The following FARS2 variants were observed in gnomAD, a reference collection of about 807,000 sequenced individuals.
The protein encoded by FARS2 is phenylalanine--tRNA ligase, mitochondrial.
Under a neutral mutation model 46.4 loss-of-function variants are expected in FARS2, and 40 were observed. That is an observed-to-expected ratio of 0.86 (90% CI 0.67 to 1.12). FARS2 has a LOEUF of 1.12. Among genes scored for constraint, FARS2 ranks in the 50% most tolerant of loss-of-function variants. The pLI, the probability that FARS2 is intolerant of heterozygous loss-of-function variation, is 0.00. For missense variants in FARS2, 513 were observed against 567.9 expected (o/e 0.90, Z 0.98); for synonymous variants, 234 against 214.9 (o/e 1.09, Z -0.78).
chr6:5,414,729 A>G (rs1762120694), intron 3 of FARS2, among the ~76,000 whole-genome samples: 1 of 150,714 alleles, frequency 6.6e-6, no homozygotes, highest in South Asian at 2.1e-4. Context: ...ATATTTGTGG[A>G]CAAGTCTTTA....
chr6:5,478,684 C>G (rs1009355725), intron 4 of FARS2, among the ~76,000 whole-genome samples: 2 of 152,184 alleles, frequency 1.3e-5, no homozygotes, highest in Non-Finnish European at 2.9e-5. Context: ...CAACCAGCAC[C>G]ACCATTAAAA....
chr6:5,536,204 A>G (rs184303988), intron 4 of FARS2, among the ~76,000 whole-genome samples: 68 of 152,230 alleles, frequency 4.5e-4, no homozygotes, highest in African/African-American at 1.6e-3. Flanking sequence ...GGCTCCCGCC[A>G]TGCCTGGCTA....
chr6:5,290,257 G>A (rs1434110333), intron 1 of FARS2, among the ~76,000 whole-genome samples: 1 of 152,178 alleles, frequency 6.6e-6, no homozygotes, highest in Non-Finnish European at 1.5e-5. Context: ...GAGGGAAACA[G>A]TAATGCTTGA....
chr6:5,481,887 G>A (rs955902734), intron 4 of FARS2, among the ~76,000 whole-genome samples: 2 of 152,110 alleles, frequency 1.3e-5, no homozygotes, highest in Admixed American at 6.5e-5. Flanking sequence ...GCAGCTCTTA[G>A]GATGGCTTCT....
At chr6:5,447,550 G>A (rs577591413) in intron 4 of FARS2, among the ~76,000 whole-genome samples, 1 of 152,274 alleles carries the variant, frequency 6.6e-6, no homozygotes, top group South Asian at 2.1e-4. Flanking sequence ...ACATTATCCA[G>A]GGAAGTGGAA....
chr6:5,339,710 C>T (rs1771418414), intron 1 of FARS2, among the ~76,000 whole-genome samples: 1 of 152,306 alleles, frequency 6.6e-6, no homozygotes, highest in African/African-American at 2.4e-5. Context: ...GGTGGGATTA[C>T]AGGCATGAGC....
At chr6:5,748,157 A>G (rs1761742939) in intron 6 of FARS2, among the ~76,000 whole-genome samples, 1 of 151,962 alleles carries the variant, frequency 6.6e-6, no homozygotes, top group African/African-American at 2.4e-5. Context: ...TCCCATCACT[A>G]TCCCTGCTGT....
chr6:5,682,219 A>G (rs1779070497), intron 6 of FARS2, among the ~76,000 whole-genome samples: 1 of 152,256 alleles, frequency 6.6e-6, no homozygotes, highest in South Asian at 2.1e-4. Context: ...TTACCAAAGA[A>G]AAACAGGAAA....
intron 6 of FARS2, among the ~76,000 whole-genome samples, chr6:5,674,252 CAG>C (rs1328000473): frequency 7.1e-6 from 1 of 140,460 alleles, no homozygotes; most frequent in East Asian, 2.3e-4. Context: ...TGTCACATAT[CAG>C]AGAAATTGCC....
chr6:5,744,243 G>T (rs1297374779), intron 6 of FARS2, among the ~76,000 whole-genome samples: 1 of 152,200 alleles, frequency 6.6e-6, no homozygotes. Context: ...GTGAACAGGG[G>T]TGGAGAGACC....
chr6:5,570,289 G>A (rs1477967322), intron 5 of FARS2, among the ~76,000 whole-genome samples: 3 of 152,154 alleles, frequency 2.0e-5, no homozygotes, highest in African/African-American at 4.8e-5. Flanking sequence ...GGATATGTGA[G>A]GAAATGAGAA....
At chr6:5,309,807 A>G (rs1452177903) in intron 1 of FARS2, among the ~76,000 whole-genome samples, 7 of 152,254 alleles carry the variant, frequency 4.6e-5, no homozygotes. Context: ...AAAGGGCAAC[A>G]GAGTTTTGTT....
chr6:5,744,376 T>G (rs1582868868), intron 6 of FARS2, among the ~76,000 whole-genome samples: 1 of 152,238 alleles, frequency 6.6e-6, no homozygotes, highest in East Asian at 1.9e-4. Flanking sequence ...CGACCAACAG[T>G]ATGTTCGCAT....
Position 5,700,439 on chromosome 6 carries a change from C to T in FARS2, c.1218-70852C>T, listed in dbSNP as rs371139735. On this transcript the variant is annotated intron_variant, in intron 6 of 6. Coordinates refer to ENST00000274680, the MANE Select transcript of FARS2 (RefSeq NM_006567.5). ...TTTTTTTTTTTGAGATGAAGTCTTG[C>T]GCTGTCACCCAGGCTGGAGTGCAAT... Among the ~76,000 whole-genome samples, 4 of 151,286 alleles carry T rather than the reference C, an allele frequency of 2.6e-5. No individual in the cohort carries two copies. In the South Asian group the frequency reaches 6.3e-4, roughly 24 times the overall value.
At chr6:5,400,822 G>A (rs1327396713) in intron 2 of FARS2, among the ~76,000 whole-genome samples, 3 of 151,612 alleles carry the variant, frequency 2.0e-5, no homozygotes, top group Non-Finnish European at 2.9e-5. Flanking sequence ...GTCCCCTATG[G>A]TTCTTTCTAC....
chr6:5,621,397 C>G (rs144482535), intron 6 of FARS2, among the ~76,000 whole-genome samples: 55 of 152,204 alleles, frequency 3.6e-4, no homozygotes, highest in Middle Eastern at 3.4e-3. Flanking sequence ...GGCCAAGATC[C>G]CGGTTTTTAT....
intron 4 of FARS2, among the ~76,000 whole-genome samples, chr6:5,534,066 T>C (rs185515377): frequency 2.1e-3 from 315 of 152,346 alleles, no homozygotes; most frequent in African/African-American, 7.2e-3. Context: ...ATTGCTGTTC[T>C]TCATTTTATG....
chr6:5,255,676 T>C, the FARS2 span, among the ~76,000 whole-genome samples: 1 of 152,112 alleles, frequency 6.6e-6, no homozygotes, highest in Non-Finnish European at 1.5e-5. Flanking sequence ...TTCCCTAGAA[T>C]AGCATCCGTA....
intron 1 of FARS2, among the ~76,000 whole-genome samples, chr6:5,360,291 T>TTTCA (rs1302367642): frequency 6.6e-6 from 1 of 152,190 alleles, no homozygotes; most frequent in Admixed American, 6.5e-5. Flanking sequence ...CATTCATTTT[T>TTTCA]TTCATTCATT....
Sources: allele counts gnomAD v4.1 joint callset (sites outside exome capture counted in the v4.1 genomes callset), GRCh38; gene constraint gnomAD v4.1.1; transcripts MANE v1.5; gene names NCBI Gene and HGNC (gene_info 2026-07-23, HGNC 2026-07-21).